Variants in SUPT3H observed in about 807,000 individuals in gnomAD.
The protein encoded by SUPT3H is SPT3 homolog, SAGA and STAGA complex component, also known as transcription initiation protein SPT3 homolog.
SUPT3H carries 44 observed loss-of-function variants against 44.3 expected under a neutral mutation model. The ratio of observed to expected loss-of-function variants is 0.99; its 90% CI spans 0.78 to 1.28. The LOEUF (loss-of-function observed/expected upper bound fraction) is 1.28, where lower values mean the gene tolerates loss of function less well. Ranked by LOEUF, SUPT3H falls within the 50% of genes most tolerant of loss-of-function variation. SUPT3H has a pLI of 0.00. For missense variants in SUPT3H, 380 were observed against 387.1 expected, an observed-to-expected ratio of 0.98 and a Z score of 0.15; for synonymous variants, 124 against 125.6, an observed-to-expected ratio of 0.99 and a Z score of 0.09.
chr6:45,027,350 A>C (rs188123445), intron 3 of SUPT3H, among the ~76,000 whole-genome samples: 20 of 151,754 alleles, frequency 1.3e-4, no homozygotes, highest in Admixed American at 8.5e-4. Context: ...TTCCTCATTT[A>C]CTTCCTCATT....
At chr6:45,209,129 ATTG>A (rs777197529) in intron 2 of SUPT3H, among the ~76,000 whole-genome samples, 5 of 152,312 alleles carry the variant, frequency 3.3e-5, no homozygotes, top group Non-Finnish European at 7.3e-5. Flanking sequence ...ATTATTGCTC[ATTG>A]ACAATGTACC....
chr6:44,950,250 G>A (rs1379530732), intron 9 of SUPT3H, among the ~76,000 whole-genome samples: 1 of 152,076 alleles, frequency 6.6e-6, no homozygotes, highest in Non-Finnish European at 1.5e-5. Flanking sequence ...CTTTAGACAT[G>A]CTCCACTGTG....
At chr6:44,910,182 C>T (rs1022505643) in intron 10 of SUPT3H, among the ~76,000 whole-genome samples, 1 of 152,090 alleles carries the variant, frequency 6.6e-6, no homozygotes, top group Non-Finnish European at 1.5e-5. Flanking sequence ...TCTTCTCCTT[C>T]TCTCTTTTCC....
intron 2 of SUPT3H, chr6:45,321,844 A>G: frequency 6.2e-7 from 1 of 1,600,754 alleles, no homozygotes; most frequent in Non-Finnish European, 8.5e-7. Context: ...ACAATAGGGA[A>G]AAACTGATTT....
At chr6:44,980,245 TAAA>T (rs759022169) in intron 6 of SUPT3H, among the ~76,000 whole-genome samples, 3 of 128,972 alleles carry the variant, frequency 2.3e-5, no homozygotes, top group Non-Finnish European at 1.7e-5. Context: ...ACCCTTTCTC[TAAA>T]AAAAAAAAAA....
At chr6:45,015,597 G>C (rs549779076) in intron 4 of SUPT3H, among the ~76,000 whole-genome samples, 1 of 151,940 alleles carries the variant, frequency 6.6e-6, no homozygotes, top group Admixed American at 6.6e-5. Context: ...CTTACTTACT[G>C]TAACTATTTT....
intron 2 of SUPT3H, among the ~76,000 whole-genome samples, chr6:45,194,861 T>C (rs2153621310): frequency 6.6e-6 from 1 of 152,286 alleles, no homozygotes; most frequent in African/African-American, 2.4e-5. Context: ...TGCTTAGCAA[T>C]TTTATTCCAA....
At chr6:44,819,101 AT>A (rs1252090654) in intron 11 of SUPT3H, among the ~76,000 whole-genome samples, 1 of 152,194 alleles carries the variant, frequency 6.6e-6, no homozygotes, top group Non-Finnish European at 1.5e-5. Flanking sequence ...GGATGAACAA[AT>A]TGTAGTGCAT....
At chr6:45,143,104 T>C (rs1203528845) in intron 2 of SUPT3H, among the ~76,000 whole-genome samples, 3 of 151,918 alleles carry the variant, frequency 2.0e-5, no homozygotes, top group Non-Finnish European at 4.4e-5. Context: ...AGCAACACAA[T>C]AATAGTGGGG....
chr6:45,158,914 CA>C (rs1437119238), intron 2 of SUPT3H: 1 of 152,182 alleles, frequency 6.6e-6, no homozygotes. Context: ...GTTACAAGAT[CA>C]AAAAAATCAG....
chr6:44,920,953 C>G (rs1010339587), intron 10 of SUPT3H, among the ~76,000 whole-genome samples: 1 of 152,176 alleles, frequency 6.6e-6, no homozygotes, highest in Non-Finnish European at 1.5e-5. Flanking sequence ...ATATTAAACA[C>G]CCTAAAAGTT....
intron 2 of SUPT3H, among the ~76,000 whole-genome samples, chr6:45,208,282 A>C (rs993844353): frequency 6.6e-6 from 1 of 152,220 alleles, no homozygotes; most frequent in Non-Finnish European, 1.5e-5. Context: ...AAAAGTTAGA[A>C]ACTGGCAGAT....
At chr6:44,864,598 C>T (rs371307669) in intron 10 of SUPT3H, among the ~76,000 whole-genome samples, 3 of 152,222 alleles carry the variant, frequency 2.0e-5, no homozygotes, top group East Asian at 3.8e-4. Flanking sequence ...CTCAACACCA[C>T]GTGGCAGCTG....
intron 2 of SUPT3H, among the ~76,000 whole-genome samples, chr6:45,302,226 C>G (rs1454455568): frequency 2.0e-5 from 3 of 151,700 alleles, no homozygotes; most frequent in Non-Finnish European, 4.4e-5. Context: ...TACACTGAAC[C>G]CAATTTGTAG....
At chr6:45,163,681 C>T (rs1809396741) in intron 2 of SUPT3H, among the ~76,000 whole-genome samples, 1 of 151,938 alleles carries the variant, frequency 6.6e-6, no homozygotes, top group Non-Finnish European at 1.5e-5. Context: ...CCTTACAGCC[C>T]TGCTTTTCAT....
intron 10 of SUPT3H, among the ~76,000 whole-genome samples, chr6:44,858,682 G>A (rs988996601): frequency 6.6e-6 from 1 of 152,060 alleles, no homozygotes; most frequent in African/African-American, 2.4e-5. Flanking sequence ...CCCACAACTG[G>A]GTAGCATGCA....
At chr6:45,281,853 G>A (rs1584672914) in intron 2 of SUPT3H, among the ~76,000 whole-genome samples, 1 of 152,144 alleles carries the variant, frequency 6.6e-6, no homozygotes, top group East Asian at 1.9e-4. Flanking sequence ...GGGGCAGACT[G>A]ACACCTCACA....
At chr6:45,356,491 A>G (rs1398552544) in intron 2 of SUPT3H, among the ~76,000 whole-genome samples, 1 of 151,980 alleles carries the variant, frequency 6.6e-6, no homozygotes, top group African/African-American at 2.4e-5. Flanking sequence ...TCCACCCACC[A>G]GGATCAAGCA....
At chr6:44,826,709 CTAAACAAG>C (rs1400969774), downstream of SUPT3H, among the ~76,000 whole-genome samples, 2 of 152,110 alleles carry the variant, frequency 1.3e-5, no homozygotes, top group Non-Finnish European at 1.5e-5. Flanking sequence ...ATAATTAATT[CTAAACAAG>C]TAAACATGTT....
Sources: allele counts gnomAD v4.1 joint callset (sites outside exome capture counted in the v4.1 genomes callset), GRCh38; gene constraint gnomAD v4.1.1; transcripts MANE v1.5; gene names NCBI Gene and HGNC (gene_info 2026-07-23, HGNC 2026-07-21).